ESRRG: variants seen among roughly 807,000 people sequenced by gnomAD.
The protein encoded by ESRRG is estrogen related receptor gamma.
ESRRG carries 13 observed loss-of-function variants against 44.0 expected under a neutral mutation model. The observed-to-expected ratio is 0.30, with a 90% CI of 0.19 to 0.47. The LOEUF is 0.47. Among genes scored for constraint, ESRRG ranks in the 20% least tolerant of loss-of-function variants. The pLI is 1.00. For missense variants in ESRRG, 395 were observed against 580.6 expected (o/e 0.68, Z 3.29); for synonymous variants, 215 against 214.6 (o/e 1.00, Z -0.02).
At chr1:216,551,954 C>A (rs918425468) in intron 5 of ESRRG, among the ~76,000 whole-genome samples, 1 of 152,096 alleles carries the variant, frequency 6.6e-6, no homozygotes, top group East Asian at 1.9e-4. Flanking sequence ...AAACCTCAGT[C>A]AGTCTCTCTA....
intron 2 of ESRRG, among the ~76,000 whole-genome samples, chr1:216,664,641 C>A (rs2073411135): frequency 6.9e-6 from 1 of 143,974 alleles, no homozygotes; most frequent in Non-Finnish European, 1.5e-5. Context: ...TAAAATCTCT[C>A]AAAAATATTT....
Position 216,504,981 on chromosome 1 carries a change from C to T in ESRRG, c.*1958G>A, listed in dbSNP as rs2040955130. ...ATTCTACCCTGTGTCTAAAAGCACACACCACAAGAATCCAAACACCACAAG... is the reference window on the plus strand; with the variant it reads ...ATTCTACCCTGTGTCTAAAAGCACATACCACAAGAATCCAAACACCACAAG... On this transcript the variant is annotated 3_prime_UTR_variant, in exon 7 of 7. Transcript: ENST00000408911. 6.6e-6 allele frequency: 1 copy of T among 152,554 alleles called. No homozygotes were observed. The highest frequency in any genetic ancestry group is 1.5e-5 in the Non-Finnish European group (1 of 68,016). The allele number at this position is 152,554 out of a possible 1,614,324, so 9.5% of individuals were successfully genotyped here. A position where few individuals can be genotyped will look rare whatever the true frequency, so the allele number is the denominator to read the frequency against.
At chr1:216,751,037 T>C (rs1481232218) in intron 2 of ESRRG, among the ~76,000 whole-genome samples, 1 of 152,184 alleles carries the variant, frequency 6.6e-6, no homozygotes, top group Non-Finnish European at 1.5e-5. Context: ...CCTTTTAAAA[T>C]GCTTACCCAT....
intron 1 of ESRRG, among the ~76,000 whole-genome samples, chr1:216,702,884 C>T (rs1303993442): frequency 2.6e-5 from 4 of 151,386 alleles, no homozygotes; most frequent in South Asian, 2.1e-4. Context: ...TGTCCATATT[C>T]GATCAGAGAA....
At chr1:216,888,254 A>G (rs2057307061) in intron 2 of ESRRG, among the ~76,000 whole-genome samples, 1 of 152,184 alleles carries the variant, frequency 6.6e-6, no homozygotes, top group Non-Finnish European at 1.5e-5. Context: ...CAGCTGCAGA[A>G]TTTTTAAAAT....
intron 3 of ESRRG, among the ~76,000 whole-genome samples, chr1:216,586,062 A>AT: frequency 6.6e-6 from 1 of 151,976 alleles, no homozygotes; most frequent in African/African-American, 2.4e-5. Flanking sequence ...TTAATTAATA[A>AT]AGTTATTTTT....
At chr1:216,657,056 T>C (rs1239182350) in intron 2 of ESRRG, among the ~76,000 whole-genome samples, 1 of 152,210 alleles carries the variant, frequency 6.6e-6, no homozygotes, top group Non-Finnish European at 1.5e-5. Context: ...AACTCTGTCT[T>C]TATTGTATAG....
intron 2 of ESRRG, among the ~76,000 whole-genome samples, chr1:216,893,540 T>G (rs534085563): frequency 1.6e-3 from 251 of 152,286 alleles, no homozygotes; most frequent in Non-Finnish European, 3.0e-3. Context: ...TCTATGTCAT[T>G]TGTCCTAGAC....
At chr1:216,553,490 AT>A (rs1298700866) in intron 5 of ESRRG, among the ~76,000 whole-genome samples, 5 of 152,156 alleles carry the variant, frequency 3.3e-5, no homozygotes, top group Non-Finnish European at 7.3e-5. Flanking sequence ...ACTTTCTAAT[AT>A]TAACAATTTG....
At chr1:216,958,107 T>C (rs1303650786) in intron 1 of ESRRG, among the ~76,000 whole-genome samples, 1 of 152,224 alleles carries the variant, frequency 6.6e-6, no homozygotes, top group African/African-American at 2.4e-5. Context: ...ATTGAGAGTA[T>C]TAATAGTTAT....
intron 2 of ESRRG, among the ~76,000 whole-genome samples, chr1:216,832,703 C>G (rs1312237715): frequency 6.6e-6 from 1 of 152,104 alleles, no homozygotes; most frequent in Non-Finnish European, 1.5e-5. Context: ...GTGGCTCATG[C>G]CGGTAATACT....
At chr1:216,912,176 A>AGGAGAGGAGAGG (rs2060476066) in intron 2 of ESRRG, among the ~76,000 whole-genome samples, 1 of 30,092 alleles carries the variant, frequency 3.3e-5, no homozygotes, top group Non-Finnish European at 6.1e-5. Flanking sequence ...AAAAGAAAAG[A>AGGAGAGGAGAGG]AAAGAAAAGG....
In ESRRG at chr1:216,695,114, G is replaced by A. The variant is rs75536897; in HGVS notation, c.57-17623C>T. 6.4e-3 allele frequency among the ~76,000 whole-genome samples: 980 copies of A among 152,064 alleles called. 15 individuals carry two copies. The highest frequency in any genetic ancestry group is 0.016 in the Admixed American group (240 of 15,272). Reference sequence around the variant, plus strand: ...GGAGATGAATATTATGGGAATCATCGGAGGAGGTTTTTGCACTCCTAGTAT... The same window carrying A: ...GGAGATGAATATTATGGGAATCATCAGAGGAGGTTTTTGCACTCCTAGTAT... On this transcript the variant is annotated intron_variant, in intron 1 of 6. Coordinates refer to ENST00000408911, the MANE Select transcript of ESRRG (RefSeq NM_001438.4).
At chr1:217,053,745 A>G (rs2086569824) in intron 1 of ESRRG, among the ~76,000 whole-genome samples, 2 of 152,082 alleles carry the variant, frequency 1.3e-5, no homozygotes, top group East Asian at 1.9e-4. Context: ...GCAGAAGAAG[A>G]GTCCCTTTGT....
intron 1 of ESRRG, among the ~76,000 whole-genome samples, chr1:216,971,396 T>C (rs909744547): frequency 1.3e-5 from 2 of 152,242 alleles, no homozygotes; most frequent in East Asian, 3.9e-4. Flanking sequence ...TAGAAAGAAG[T>C]ACACGTATTG....
chr1:216,857,935 T>C (rs2095979394), intron 2 of ESRRG, among the ~76,000 whole-genome samples: 1 of 152,126 alleles, frequency 6.6e-6, no homozygotes. Context: ...AGAAATAAAA[T>C]AAGTCAGAAA....
chr1:216,754,340 C>A (rs2092305720), intron 2 of ESRRG, among the ~76,000 whole-genome samples: 1 of 152,006 alleles, frequency 6.6e-6, no homozygotes, highest in South Asian at 2.1e-4. Context: ...TACAAAAGAA[C>A]AGAAGTATCT....
At chr1:216,704,667 CAAAT>C (rs2151907966) in intron 1 of ESRRG, among the ~76,000 whole-genome samples, 1 of 151,840 alleles carries the variant, frequency 6.6e-6, no homozygotes, top group East Asian at 1.9e-4. Context: ...ACTCAGTTAA[CAAAT>C]AAGATATAAT....
At chr1:217,076,510 TG>T (rs1327481281) in intron 1 of ESRRG, among the ~76,000 whole-genome samples, 3 of 152,208 alleles carry the variant, frequency 2.0e-5, no homozygotes, top group Non-Finnish European at 4.4e-5. Flanking sequence ...AATATTATTG[TG>T]ATATCTGGTC....
Sources: gnomAD v4.1 joint callset for allele counts (sites outside exome capture counted in the v4.1 genomes callset) on GRCh38, gnomAD v4.1.1 for gene constraint, MANE v1.5 for transcripts, NCBI Gene and HGNC (gene_info 2026-07-23, HGNC 2026-07-21) for gene names.